RAB3C: variants seen among roughly 807,000 people sequenced by gnomAD.
RAB3C encodes ras-related protein Rab-3C.
Under a neutral mutation model 26.4 loss-of-function variants are expected in RAB3C, and 17 were observed. The observed-to-expected ratio is 0.64, with a 90% confidence interval of 0.44 to 0.97. The LOEUF (loss-of-function observed/expected upper bound fraction) is 0.97, where lower values mean the gene tolerates loss of function less well. Ranked by LOEUF, RAB3C falls within the 50% of genes least tolerant of loss-of-function variation. The pLI, the probability that RAB3C is intolerant of heterozygous loss-of-function variation, is 0.00. For synonymous variants in RAB3C, 91 were observed against 95.9 expected (o/e 0.95, Z 0.30); for missense variants, 242 against 281.9 (o/e 0.86, Z 1.01).
chr5:58,745,421 A>G (rs1374495053), intron 3 of RAB3C, among the ~76,000 whole-genome samples: 4 of 147,110 alleles, frequency 2.7e-5, no homozygotes, highest in Non-Finnish European at 4.5e-5. Context: ...AAAAAAAAAG[A>G]AAGTAGATGG....
At chr5:58,831,420 C>T (rs1177269467) in intron 4 of RAB3C, among the ~76,000 whole-genome samples, 1 of 152,178 alleles carries the variant, frequency 6.6e-6, no homozygotes, top group African/African-American at 2.4e-5. Flanking sequence ...CTTTCTGGAA[C>T]TTCCCCAACT....
chr5:58,643,459 CT>C (rs969990177), intron 2 of RAB3C, among the ~76,000 whole-genome samples: 7 of 151,740 alleles, frequency 4.6e-5, no homozygotes, highest in East Asian at 1.9e-4. Flanking sequence ...TAAACTATAA[CT>C]TTTTTTTTCT....
chr5:58,841,201 A>C (rs2112079810), intron 4 of RAB3C, among the ~76,000 whole-genome samples: 1 of 152,284 alleles, frequency 6.6e-6, no homozygotes. Context: ...AGCTGCTCAG[A>C]GACTCAGGTC....
chr5:58,675,204 A>G (rs1420857143), intron 2 of RAB3C, among the ~76,000 whole-genome samples: 2 of 150,996 alleles, frequency 1.3e-5, no homozygotes, highest in Admixed American at 6.6e-5. Context: ...CTTTGTGTCC[A>G]TCTCGTATCC....
intron 3 of RAB3C, among the ~76,000 whole-genome samples, chr5:58,757,370 T>C (rs1741695127): frequency 6.6e-6 from 1 of 151,820 alleles, no homozygotes; most frequent in African/African-American, 2.4e-5. Context: ...GGAATACTTC[T>C]ACAACCTTTC....
chr5:58,690,088 C>T (rs1748536764), intron 2 of RAB3C, among the ~76,000 whole-genome samples: 1 of 151,948 alleles, frequency 6.6e-6, no homozygotes, highest in Non-Finnish European at 1.5e-5. Flanking sequence ...AAATGTATAC[C>T]CTTCTCTAGA....
chr5:58,774,437 G>A (rs1192176449), intron 3 of RAB3C, among the ~76,000 whole-genome samples: 5 of 152,056 alleles, frequency 3.3e-5, no homozygotes, highest in Non-Finnish European at 7.4e-5. Flanking sequence ...CTCTGTCTCT[G>A]TCTCCTACAA....
At chr5:58,808,750 T>C (rs115106974) in intron 3 of RAB3C, among the ~76,000 whole-genome samples, 3,391 of 152,352 alleles carry the variant, frequency 0.022, 41 homozygotes, top group Non-Finnish European at 0.035. Context: ...TGGTGGATGC[T>C]CTTTCTTATT....
At chr5:58,835,454 A>G (rs541099568) in intron 4 of RAB3C, among the ~76,000 whole-genome samples, 2 of 152,292 alleles carry the variant, frequency 1.3e-5, no homozygotes, top group Admixed American at 6.5e-5. Context: ...CCCACTGTCT[A>G]TCTGTTACTT....
intron 2 of RAB3C, among the ~76,000 whole-genome samples, chr5:58,624,566 G>C (rs1747013263): frequency 6.6e-6 from 1 of 152,144 alleles, no homozygotes; most frequent in Non-Finnish European, 1.5e-5. Context: ...AAGCCCACTT[G>C]GAAGGTACCC....
At chr5:58,840,415 T>G (rs1006478305) in intron 4 of RAB3C, among the ~76,000 whole-genome samples, 7 of 152,230 alleles carry the variant, frequency 4.6e-5, no homozygotes, top group Admixed American at 2.0e-4. Flanking sequence ...TTCTCTTGTA[T>G]CTCAGTTTTC....
chr5:58,644,238 C>A (rs1369054012), intron 2 of RAB3C: 1 of 152,144 alleles, frequency 6.6e-6, no homozygotes, highest in Non-Finnish European at 1.5e-5. Context: ...CAGATAGTAG[C>A]CTAAGATTAA....
intron 1 of RAB3C, among the ~76,000 whole-genome samples, chr5:58,598,567 A>G (rs1746377084): frequency 6.6e-6 from 1 of 152,090 alleles, no homozygotes; most frequent in Admixed American, 6.6e-5. Flanking sequence ...TTTAGAAGTT[A>G]TTCAGTGTCA....
chr5:58,622,454 T>A (rs1407762800), intron 2 of RAB3C, among the ~76,000 whole-genome samples: 2 of 152,174 alleles, frequency 1.3e-5, no homozygotes, highest in Non-Finnish European at 2.9e-5. Context: ...AAAGACATGG[T>A]TAATATGGAG....
intron 2 of RAB3C, among the ~76,000 whole-genome samples, chr5:58,708,156 A>G (rs190385840): frequency 1.3e-5 from 2 of 151,842 alleles, no homozygotes; most frequent in African/African-American, 4.8e-5. Context: ...ACACCTGGCT[A>G]ATTTGTTTAC....
chr5:58,696,311 T>G (rs972884773), intron 2 of RAB3C, among the ~76,000 whole-genome samples: 2 of 152,228 alleles, frequency 1.3e-5, no homozygotes, highest in East Asian at 3.8e-4. Flanking sequence ...GATGTGCTGC[T>G]GGATTCGGTT....
chr5:58,734,948 T>TA (rs1741103316), intron 3 of RAB3C, among the ~76,000 whole-genome samples: 1 of 152,238 alleles, frequency 6.6e-6, no homozygotes, highest in Non-Finnish European at 1.5e-5. Flanking sequence ...AACTAATTGA[T>TA]ACATAACTAT....
At chr5:58,794,353 A>G (rs1194314776) in intron 3 of RAB3C, 1 of 151,916 alleles carries the variant, frequency 6.6e-6, no homozygotes, top group Non-Finnish European at 1.5e-5. Flanking sequence ...GCATGACACA[A>G]AACAAAACAC....
chr5:58,672,132 G>A lies in RAB3C; in HGVS notation c.253-53870G>A, dbSNP rs559945681. 8.3e-4 allele frequency among the ~76,000 whole-genome samples: 126 copies of A among 152,246 alleles called. 1 individual carries two copies. The highest frequency in any genetic ancestry group is 1.5e-3 in the Non-Finnish European group (101 of 68,008). On this transcript the variant is annotated intron_variant, in intron 2 of 4. Transcript: ENST00000282878. ...CTAACGAAAACAAAACATACTAAAA[G>A]TAGACTGTTTCAATGTTTTCTGGAT...
Sources: allele counts gnomAD v4.1 joint callset (sites outside exome capture counted in the v4.1 genomes callset), GRCh38; gene constraint gnomAD v4.1.1; transcripts MANE v1.5; gene names NCBI Gene and HGNC (gene_info 2026-07-23, HGNC 2026-07-21).